The following METTL17 variants were observed in gnomAD, a reference collection of about 807,000 sequenced individuals.
METTL17 encodes the protein methyltransferase like 17.
Under a neutral mutation model 59.4 loss-of-function variants are expected in METTL17, and 49 were observed. The observed-to-expected ratio is 0.82, with a 90% CI of 0.66 to 1.05. The LOEUF is 1.05. METTL17 is among the 50% of genes least tolerant of loss of function. METTL17 has a pLI of 0.00. For missense variants in METTL17, 555 were observed against 578.4 expected (o/e 0.96, Z 0.41); for synonymous variants, 208 against 209.2 (o/e 0.99, Z 0.05).
At position 20,992,848 on chromosome 14, in the gene METTL17, CT is replaced by C. The variant is rs1452398624; in HGVS notation, c.528+227del. On this transcript the variant is annotated intron_variant, in intron 5 of 13. Transcript: ENST00000339374. ...AGGCTGCAGTGAGCTGTGATCTCCA[CT>C]GTACTCCAGCCTGGTGACAGAGTGA... The C allele has an allele frequency of 6.6e-6, 4 of 605,292 alleles. No homozygotes were observed. In the African/African-American group the frequency reaches 7.4e-5, roughly 11 times the overall value. 37.5% of individuals were successfully genotyped at this position (605,292 alleles called of 1,614,324 possible). A position where few individuals can be genotyped will look rare whatever the true frequency, so the allele number is the denominator to read the frequency against.
rs1457646854 is a variant in METTL17, at chr14:20,997,016, T to C, written c.*126T>C. On this transcript the variant is annotated 3_prime_UTR_variant, in exon 14 of 14. Coordinates refer to ENST00000339374, the MANE Select transcript of METTL17 (RefSeq NM_022734.3). ...GTTTGAGATTTTTAATAATAAATAA[T>C]AAATTTTTGAAGAATGGAAGTGGAT... 1 of 1,046,408 alleles carries C rather than the reference T, an allele frequency of 9.6e-7. No homozygotes were observed. The highest frequency in any genetic ancestry group is 1.6e-5 in the African/African-American group (1 of 62,132). 64.8% of individuals were successfully genotyped at this position (1,046,408 alleles called of 1,614,324 possible). A position where few individuals can be genotyped will look rare whatever the true frequency, so the allele number is the denominator to read the frequency against.
rs150336140 is a variant in METTL17 at position 20,990,509 on chromosome 14, G to C, written c.275G>C (p.Ser92Thr). The change falls in exon 3 of 14, where the codon AGT (serine) becomes ACT (threonine). Residue 92 changes from serine to threonine, a missense_variant. Ser to Thr is a moderately conservative substitution (Grantham distance 58). Coordinates refer to ENST00000339374, the MANE Select transcript of METTL17 (RefSeq NM_022734.3). ...GAGAATCAGGTGCAAACACTGACCA[G>C]TTATCTCTGGAGCAGACATTTGCCT... is the stretch of plus-strand genomic sequence containing the variant. The part of the protein sequence containing the change: ...TMENQVQTLT[S>T]YLWSRHLPVE... 1.7e-4 allele frequency: 281 copies of C among 1,614,254 alleles called. 2 individuals carry two copies. Among genetic ancestry groups the C allele is most frequent in the Admixed American group, 3.5e-4 (21 of 60,030 alleles).
At position 20,992,544 on chromosome 14, in the gene METTL17, C is replaced by T. The variant is rs750985164; in HGVS notation, c.450C>T (p.Tyr150=). 6.2e-7 allele frequency: 1 copy of T among 1,613,006 alleles called. No individual in the cohort carries two copies. The highest frequency in any genetic ancestry group is 8.5e-7 in the Non-Finnish European group (1 of 1,179,004). ...AACTCTGTGATTTTAATGGCAGCTA[C>T]ACTGAGGGACTGAGCCTGGTGTATA... ...KTTYHWQELS[Y]TEGLSLVYMA... is the part of the protein sequence containing the mutation. Residue 150 remains tyrosine, a synonymous_variant, in exon 5 of 14, where the codon TAC becomes TAT. Coordinates refer to ENST00000339374, the MANE Select transcript of METTL17 (RefSeq NM_022734.3).
chr14:20,993,002 A>G (rs1880121140), intron 5 of METTL17, 116 bp from the exon 6 acceptor site: 1 of 847,994 alleles, frequency 1.2e-6, no homozygotes. Flanking sequence ...ATTTGTATTG[A>G]ATCTCAAAAG....
chr14:20,993,664 G>A (rs372799593), intron 6 of METTL17: 22 of 222,940 alleles, frequency 9.9e-5, no homozygotes, highest in African/African-American at 3.3e-4. Flanking sequence ...TAGTAGAGAC[G>A]GGGTTTCACC....
chr14:20,996,796 G>A lies in METTL17; in HGVS notation c.1277G>A (p.Arg426His), dbSNP rs199822122. 58 of 1,614,176 alleles carry A rather than the reference G, an allele frequency of 3.6e-5. No homozygotes were observed. The highest frequency in any genetic ancestry group is 1.6e-4 in the Middle Eastern group (1 of 6,062). ...ATCTGTTTCCACAGGGATTTGTATCGTTGTGCCCGTGTCAGCTCCTGGGGA... is the reference window on the plus strand; with the variant it reads ...ATCTGTTTCCACAGGGATTTGTATCATTGTGCCCGTGTCAGCTCCTGGGGA... ...TARRHGRDLY[R>H]CARVSSWGDL... The change falls in exon 14 of 14, where the codon CGT becomes CAT. Residue 426 changes from arginine to histidine, a missense_variant. Arg to His is a conservative substitution (Grantham distance 29, BLOSUM62 0). Transcript: ENST00000339374.
chr14:20,993,135 A>T lies in METTL17; in HGVS notation c.546A>T (p.Pro182=), dbSNP rs763012116. ...RAFHEIRARN[P]AFQPQTLMDF... The stretch of plus-strand genomic sequence containing the variant: ...TTCTTCAGATCCGGGCTCGAAATCC[A>T]GCATTTCAGCCACAAACTTTGATGG... Residue 182 remains proline, a synonymous_variant, in exon 6 of 14, where the codon CCA becomes CCT. Transcript: ENST00000339374. 6.2e-7 allele frequency: 1 copy of T among 1,614,174 alleles called. No homozygotes were observed. Among genetic ancestry groups the T allele is most frequent in the South Asian group, 1.1e-5 (1 of 91,080 alleles).
In METTL17 at chr14:20,994,576, G is replaced by T. The variant is rs1206323751; in HGVS notation, c.731G>T (p.Gly244Val). Residue 244 changes from glycine to valine, a missense_variant, in exon 8 of 14, where the codon GGT becomes GTT. Physicochemically the swap from Gly to Val is moderately radical, Grantham distance 109 (BLOSUM62 -3). Coordinates refer to ENST00000339374, the MANE Select transcript of METTL17 (RefSeq NM_022734.3). ...GAATCTGGGGAGCCTTATATTCCAG[G>T]TGTCTTTTTCAGACAGTTTCTACCT... The part of the protein sequence containing the change: ...GSESGEPYIP[G>V]VFFRQFLPVS... The T allele has an allele frequency of 6.2e-7, 1 of 1,614,060 alleles. No homozygotes were observed. Among genetic ancestry groups the T allele is most frequent in the African/African-American group, 1.3e-5 (1 of 74,908 alleles).
At position 20,995,967 on chromosome 14, in the gene METTL17, G is replaced by A; in HGVS notation, c.996+16G>A. On this transcript the variant is annotated intron_variant, in intron 11 of 13. Coordinates refer to ENST00000339374, the MANE Select transcript of METTL17 (RefSeq NM_022734.3). ...CTTTGCCCCGGTGAGTATTACTTCT[G>A]CCTGTCCCACCACACGGATCTGAAC... 2 of 1,613,794 alleles carry A rather than the reference G, an allele frequency of 1.2e-6. No individual in the cohort carries two copies. Among genetic ancestry groups the A allele is most frequent in the East Asian group, 2.2e-5 (1 of 44,882 alleles).
chr14:20,996,555 C>G lies in METTL17; in HGVS notation c.1109C>G (p.Ser370Cys), dbSNP rs1232200290. The change falls in exon 13 of 14, where the codon TCT (serine) becomes TGT (cysteine). Residue 370 changes from serine (S) to cysteine (C), a missense_variant. Transcript: ENST00000339374. Reference sequence around the variant, plus strand: ...AAGAAACCAAAGGAAGAAAAGTTCTCTATGGTGATCCTTGCTCGGGGGTCT... The same window carrying G: ...AAGAAACCAAAGGAAGAAAAGTTCTGTATGGTGATCCTTGCTCGGGGGTCT... ...WNKKPKEEKF[S>C]MVILARGSPE... The G allele has an allele frequency of 2.5e-6, 4 of 1,613,374 alleles. No individual in the cohort carries two copies. The African/African-American group carries it at 5.3e-5, about 22-fold the overall frequency.
At chr14:20,991,819 G>A (rs750219540) in intron 3 of METTL17, 28 of 285,814 alleles carry the variant, frequency 9.8e-5, no homozygotes, top group Non-Finnish European at 1.6e-4. Context: ...GTGAGCCACC[G>A]CACCCAGCTT....
rs749651839 is a variant in METTL17, at chr14:20,993,173, G to T, written c.584G>T (p.Gly195Val). ...CAAACTTTGATGGACTTTGGCTCAG[G>T]TACTGGTTCTGTCACCTGGTGAGTA... is the stretch of plus-strand genomic sequence containing the variant. Reference protein sequence around the residue: ...QPQTLMDFGSGTGSVTWAAHS... With the variant: ...QPQTLMDFGSVTGSVTWAAHS... The change falls in exon 6 of 14, where the codon GGT (glycine) becomes GTT (valine). Residue 195 changes from glycine to valine, a missense_variant. Physicochemically the swap from Gly to Val is moderately radical, Grantham distance 109. Transcript: ENST00000339374. 6.2e-7 allele frequency: 1 copy of T among 1,614,086 alleles called. No homozygotes were observed. Among genetic ancestry groups the T allele is most frequent in the East Asian group, 2.2e-5 (1 of 44,860 alleles).
At chr14:20,991,446 C>T (rs765714671) in intron 3 of METTL17, among the ~76,000 whole-genome samples, 6 of 152,128 alleles carry the variant, frequency 3.9e-5, no homozygotes, top group Non-Finnish European at 8.8e-5. Flanking sequence ...CTTTCCTCTC[C>T]ATAGGAATAG....
Position 20,990,628 on chromosome 14 carries a change from C to T in METTL17, c.364+30C>T, listed in dbSNP as rs116021132. 7.3e-4 allele frequency: 1,178 copies of T among 1,611,374 alleles called. 12 individuals are homozygous for T. In the African/African-American group the frequency reaches 0.014, roughly 19 times the overall value. On this transcript the variant is annotated intron_variant, in intron 3 of 13. Coordinates refer to ENST00000339374, the MANE Select transcript of METTL17 (RefSeq NM_022734.3). ...GACTTAAGAATAATTAAAAAGTGGG[C>T]GAGATTGAAATATCGGTTAGAAATG...
At chr14:20,994,950 A>C in intron 9 of METTL17, 49 bp downstream of exon 9, 1 of 1,423,908 alleles carries the variant, frequency 7.0e-7, no homozygotes, top group Non-Finnish European at 9.8e-7. Context: ...AGCTTCATGG[A>C]TTTCATGCCT....
Position 20,993,975 on chromosome 14 carries a change from T to G in METTL17, c.609T>G (p.Ala203=). 1 of 1,613,352 alleles carries G rather than the reference T, an allele frequency of 6.2e-7. No homozygotes were observed. Among genetic ancestry groups the G allele is most frequent in the Non-Finnish European group, 8.5e-7 (1 of 1,179,544 alleles). Residue 203 remains alanine (A), a synonymous_variant, in exon 7 of 14, where the codon GCT becomes GCG. Coordinates refer to ENST00000339374, the MANE Select transcript of METTL17 (RefSeq NM_022734.3). ...AATAATTTTGCCATCTTAGGGCTGC[T>G]CACAGTATTTGGGGCCAGAGCCTAC... ...GSGTGSVTWA[A]HSIWGQSLRE...
At chr14:20,995,104 A>G (rs2138740470) in intron 9 of METTL17, 61 bp from the exon 10 acceptor site, 5 of 1,468,416 alleles carry the variant, frequency 3.4e-6, no homozygotes, top group South Asian at 1.1e-5. Flanking sequence ...TTACACAGCT[A>G]CTGACATTTA....
intron 3 of METTL17, chr14:20,991,705 A>C: frequency 5.2e-6 from 1 of 193,428 alleles, no homozygotes; most frequent in Non-Finnish European, 1.0e-5. Flanking sequence ...TAATTTTTGT[A>C]TTTTTCGTAG....
At position 20,990,022 on chromosome 14, in the gene METTL17, G is replaced by A. The variant is rs140652112; in HGVS notation, c.20G>A (p.Cys7Tyr). MAAALK[C>Y]LLTLGRWCPG... is the part of the protein sequence containing the mutation. ...GGAGCCATGGCGGCGGCACTGAAGTGTCTACTGACATTAGGAAGATGGTGC... is the reference window on the plus strand; with the variant it reads ...GGAGCCATGGCGGCGGCACTGAAGTATCTACTGACATTAGGAAGATGGTGC... The change falls in exon 1 of 14, where the codon TGT becomes TAT. Residue 7 changes from cysteine (C) to tyrosine (Y), a missense_variant. By Grantham distance (194) the Cys-to-Tyr change is radical. Transcript: ENST00000339374. The A allele has an allele frequency of 2.1e-3, 3,388 of 1,610,400 alleles. 7 individuals carry two copies. The highest frequency in any genetic ancestry group is 2.6e-3 in the Non-Finnish European group (3,069 of 1,177,946).
Sources: gnomAD v4.1 joint callset for allele counts (sites outside exome capture counted in the v4.1 genomes callset) on GRCh38, gnomAD v4.1.1 for gene constraint, MANE v1.5 for transcripts, NCBI Gene and HGNC (gene_info 2026-07-23, HGNC 2026-07-21) for gene names.